Variants in NCAM1 observed in about 807,000 individuals in gnomAD.
NCAM1 encodes antigen recognized by monoclonal antibody 5.1H11.
NCAM1 carries 14 observed loss-of-function variants against 109.8 expected under a neutral mutation model. That is an observed-to-expected ratio of 0.13 (90% CI 0.08 to 0.20). The LOEUF (loss-of-function observed/expected upper bound fraction) is 0.20, where lower values mean the gene tolerates loss of function less well. NCAM1 is among the 10% of genes least tolerant of loss of function. NCAM1 has a pLI of 1.00. For missense variants in NCAM1, 774 were observed against 1,109.9 expected, an observed-to-expected ratio of 0.70 and a Z score of 4.30; for synonymous variants, 418 against 442.9, an observed-to-expected ratio of 0.94 and a Z score of 0.70.
chr11:113,043,102 C>T (rs1953134806), intron 1 of NCAM1, among the ~76,000 whole-genome samples: 2 of 152,028 alleles, frequency 1.3e-5, no homozygotes, highest in African/African-American at 4.8e-5. Flanking sequence ...GCAGGTAGTT[C>T]CTCCCCAGGG....
chr11:113,236,250 T>C, intron 14 of NCAM1: 1 of 1,598,160 alleles, frequency 6.3e-7, no homozygotes, highest in Non-Finnish European at 8.6e-7. Flanking sequence ...TTTTCTTGGG[T>C]CTGTCTCTTG....
intron 1 of NCAM1, among the ~76,000 whole-genome samples, chr11:113,024,449 A>C (rs1428228531): frequency 1.3e-5 from 2 of 151,902 alleles, no homozygotes; most frequent in African/African-American, 4.8e-5. Flanking sequence ...TGTTTGTTGG[A>C]GTAGTTTATT....
chr11:113,007,403 T>C (rs528949909), intron 1 of NCAM1, among the ~76,000 whole-genome samples: 1 of 152,148 alleles, frequency 6.6e-6, no homozygotes, highest in Non-Finnish European at 1.5e-5. Context: ...AAAAGCATCA[T>C]GTGATAACTA....
Position 113,214,429 on chromosome 11 carries a change from C to T in NCAM1, c.977C>T (p.Thr326Ile), listed in dbSNP as rs376253720. 3 of 1,613,840 alleles carry T rather than the reference C, an allele frequency of 1.9e-6. No homozygotes were observed. Among genetic ancestry groups the T allele is most frequent in the African/African-American group, 2.7e-5 (2 of 75,060 alleles). The part of the protein sequence containing the change: ...QTAMELEEQV[T>I]LTCEASGDPI... ...GCCATGGAATTAGAGGAGCAGGTCA[C>T]TCTTACCTGTGAAGCCTCCGGAGAC... Residue 326 changes from threonine (T) to isoleucine (I), a missense_variant, in exon 8 of 20, where the codon ACT becomes ATT. By Grantham distance (89) the Thr-to-Ile change is moderately conservative. This residue lies in a region of NCAM1 where 523 missense variants were observed against 784.2 expected (regional missense o/e 0.67). Coordinates refer to ENST00000316851, the MANE Select transcript of NCAM1 (RefSeq NM_181351.5).
chr11:112,974,925 C>T (rs1329721458), intron 1 of NCAM1, among the ~76,000 whole-genome samples: 1 of 151,900 alleles, frequency 6.6e-6, no homozygotes, highest in Non-Finnish European at 1.5e-5. Context: ...GACCTATCTC[C>T]TTCAGGGTTT....
At chr11:113,025,890 G>A (rs782289235) in intron 1 of NCAM1, among the ~76,000 whole-genome samples, 8 of 151,288 alleles carry the variant, frequency 5.3e-5, no homozygotes, top group Non-Finnish European at 1.2e-4. Flanking sequence ...GCTGCTTTAT[G>A]GAAACTTTTT....
In NCAM1 at chr11:113,066,389, A is replaced by C. The variant is rs149372751; in HGVS notation, c.52+104725A>C. Among the ~76,000 whole-genome samples the C allele has an allele frequency of 1.9e-3, 297 of 152,328 alleles. 1 individual carries two copies. Among genetic ancestry groups the C allele is most frequent in the African/African-American group, 6.8e-3 (283 of 41,576 alleles). The stretch of plus-strand genomic sequence containing the variant: ...TTCTATTTTGCTTCACTAATTACGT[A>C]AGGCTTTGACTATTAAATTAGGTTA... On this transcript the variant is annotated intron_variant, in intron 1 of 19. Transcript: ENST00000316851.
intron 14 of NCAM1, among the ~76,000 whole-genome samples, chr11:113,245,376 A>G (rs1294658521): frequency 6.6e-6 from 1 of 152,234 alleles, no homozygotes; most frequent in Non-Finnish European, 1.5e-5. Flanking sequence ...CGGGAGGTCA[A>G]GGCTGGAGTG....
intron 1 of NCAM1, among the ~76,000 whole-genome samples, chr11:113,186,662 T>C (rs1555108941): frequency 6.6e-6 from 1 of 152,182 alleles, no homozygotes; most frequent in African/African-American, 2.4e-5. Context: ...GGTTGGTGTT[T>C]CATGGGAGAA....
intron 8 of NCAM1, among the ~76,000 whole-genome samples, chr11:113,218,836 C>T (rs1944604260): frequency 6.6e-6 from 1 of 152,190 alleles, no homozygotes; most frequent in Admixed American, 6.5e-5. Flanking sequence ...AAAAAATTGA[C>T]CATCATAATG....
At chr11:113,243,206 C>T (rs1311463701) in intron 14 of NCAM1, among the ~76,000 whole-genome samples, 2 of 152,214 alleles carry the variant, frequency 1.3e-5, no homozygotes, top group Non-Finnish European at 2.9e-5. Context: ...GAAATACACA[C>T]GCTCATGCGC....
At chr11:113,264,456 C>T in intron 17 of NCAM1, 1 of 985,612 alleles carries the variant, frequency 1.0e-6, no homozygotes, top group Non-Finnish European at 1.2e-6. Flanking sequence ...AGCCACAAAA[C>T]TCTCCCCGCT....
At chr11:113,192,997 G>A (rs1943731283) in intron 1 of NCAM1, among the ~76,000 whole-genome samples, 1 of 152,172 alleles carries the variant, frequency 6.6e-6, no homozygotes, top group Non-Finnish European at 1.5e-5. Context: ...CAGTGCATGA[G>A]GCTGCAGGAC....
chr11:112,981,650 C>G (rs1025628978), intron 1 of NCAM1, among the ~76,000 whole-genome samples: 3 of 151,864 alleles, frequency 2.0e-5, no homozygotes, highest in Non-Finnish European at 2.9e-5. Context: ...AAATTTTCCA[C>G]TAGGATGCTT....
In NCAM1 at chr11:113,180,706, C is replaced by A. The variant is rs150215129; in HGVS notation, c.53-21673C>A. 1.1e-4 allele frequency among the ~76,000 whole-genome samples: 16 copies of A among 152,358 alleles called. No individual in the cohort carries two copies. In the East Asian group the frequency reaches 3.1e-3, roughly 29 times the overall value. On this transcript the variant is annotated intron_variant, in intron 1 of 19. Coordinates refer to ENST00000316851, the MANE Select transcript of NCAM1 (RefSeq NM_181351.5). ...AAGAAATATCTCCTCTGAGGCCTCA[C>A]TGCGTTATTGGGGATGGCATAGTAC...
intron 1 of NCAM1, among the ~76,000 whole-genome samples, chr11:112,985,989 T>C (rs529300114): frequency 2.0e-5 from 3 of 152,140 alleles, no homozygotes; most frequent in African/African-American, 7.2e-5. Context: ...ATCTTGTTCC[T>C]GATCTTAGAG....
intron 17 of NCAM1, chr11:113,264,212 T>A (rs1165600643): frequency 1.0e-6 from 1 of 985,120 alleles, no homozygotes. Flanking sequence ...GAAGCTTGAT[T>A]TTTGTTCTTT....
chr11:113,016,449 C>T (rs11214458), intron 1 of NCAM1, among the ~76,000 whole-genome samples: 1,529 of 152,272 alleles, frequency 0.01, 25 homozygotes, highest in African/African-American at 0.034. Flanking sequence ...CTCCTTCCAC[C>T]CAAGCAGCTT....
At chr11:113,182,092 C>G (rs1041584008) in intron 1 of NCAM1, among the ~76,000 whole-genome samples, 1 of 152,160 alleles carries the variant, frequency 6.6e-6, no homozygotes, top group Non-Finnish European at 1.5e-5. Context: ...TAAAACACAA[C>G]TTACTGTCCT....
Sources: gnomAD v4.1 joint callset for allele counts (sites outside exome capture counted in the v4.1 genomes callset) on GRCh38, gnomAD v4.1.1 for gene constraint, gnomAD v4.1.1 regional missense constraint, MANE v1.5 for transcripts, NCBI Gene and HGNC (gene_info 2026-07-23, HGNC 2026-07-21) for gene names.